Variants in ARSB observed in about 807,000 individuals in gnomAD.
The protein encoded by ARSB is arylsulfatase B, also known as N-acetylgalactosamine-4-sulfatase.
In ARSB, 41 loss-of-function variants were observed where a neutral mutation model predicts 50.9. The ratio of observed to expected loss-of-function variants is 0.81; its 90% CI spans 0.63 to 1.04. The LOEUF (loss-of-function observed/expected upper bound fraction) is 1.04. Among genes scored for constraint, ARSB ranks in the 50% least tolerant of loss-of-function variants. The probability of loss-of-function intolerance (pLI) is 0.00; values close to 1 mark genes in which losing one functional copy is unlikely to be tolerated. For missense variants in ARSB, 672 were observed against 693.3 expected (o/e 0.97, Z 0.35); for synonymous variants, 269 against 284.8 (o/e 0.94, Z 0.56).
chr5:78,822,422 T>C (rs1744266869), intron 6 of ARSB, among the ~76,000 whole-genome samples: 1 of 152,182 alleles, frequency 6.6e-6, no homozygotes, highest in African/African-American at 2.4e-5. Flanking sequence ...TTTGACACTC[T>C]TGGTGGTTGG....
chr5:78,847,434 A>G (rs569875568), intron 5 of ARSB, among the ~76,000 whole-genome samples: 75 of 152,226 alleles, frequency 4.9e-4, no homozygotes, highest in African/African-American at 1.7e-3. Context: ...GCTGTGAACG[A>G]TCTTTTTAAT....
intron 3 of ARSB, among the ~76,000 whole-genome samples, chr5:78,956,505 T>G (rs77830443): frequency 0.07 from 10,674 of 152,188 alleles, 497 homozygotes; most frequent in Non-Finnish European, 0.11. Flanking sequence ...ATGAGTGAAT[T>G]TTATGATATG....
chr5:78,970,560 C>A (rs940258618), intron 1 of ARSB, among the ~76,000 whole-genome samples: 1 of 152,110 alleles, frequency 6.6e-6, no homozygotes, highest in Non-Finnish European at 1.5e-5. Context: ...AGTTTGAGAA[C>A]TGATACTCTA....
chr5:78,858,821 C>T (rs12186766), intron 5 of ARSB, among the ~76,000 whole-genome samples: 19,301 of 152,156 alleles, frequency 0.13, 1,412 homozygotes, highest in Middle Eastern at 0.21. Context: ...TACCAGCTAC[C>T]GAGTTCTTAC....
At chr5:78,921,394 A>G (rs890941914) in intron 4 of ARSB, among the ~76,000 whole-genome samples, 1 of 115,128 alleles carries the variant, frequency 8.7e-6, no homozygotes, top group African/African-American at 2.8e-5. Context: ...ATACACACAC[A>G]TATATGTGTA....
intron 4 of ARSB, among the ~76,000 whole-genome samples, chr5:78,920,187 A>T (rs1342249998): frequency 6.6e-6 from 1 of 152,186 alleles, no homozygotes; most frequent in East Asian, 1.9e-4. Context: ...AGGGAGGCAG[A>T]CTTACTTTTC....
chr5:78,805,113 A>G (rs2112650841), intron 6 of ARSB, among the ~76,000 whole-genome samples: 1 of 152,344 alleles, frequency 6.6e-6, no homozygotes, highest in East Asian at 1.9e-4. Flanking sequence ...AGAGACCCCG[A>G]CCAACCAACG....
intron 6 of ARSB, among the ~76,000 whole-genome samples, chr5:78,829,894 C>T (rs1277323660): frequency 6.6e-6 from 1 of 152,138 alleles, no homozygotes; most frequent in African/African-American, 2.4e-5. Flanking sequence ...TTTATCTTTA[C>T]AGATGGTAAG....
intron 5 of ARSB, among the ~76,000 whole-genome samples, chr5:78,872,565 A>G (rs11746011): frequency 0.11 from 15,672 of 137,248 alleles, 993 homozygotes; most frequent in Middle Eastern, 0.21. Flanking sequence ...CTATCGCAAG[A>G]ACAAAAAACC....
Position 78,839,341 on chromosome 5 carries a change from T to C in ARSB, c.1213+15A>G, listed in dbSNP as rs748936259. 3 of 1,610,848 alleles carry C rather than the reference T, an allele frequency of 1.9e-6. No homozygotes were observed. Among genetic ancestry groups the C allele is most frequent in the South Asian group, 1.1e-5 (1 of 91,002 alleles). ...CCAATTAGATTTAATCTAGTAGCAA[T>C]GCACTGGTACTCACACGGTGAAGAG... On this transcript the variant is annotated intron_variant, in intron 6 of 7. Coordinates refer to ENST00000264914, the MANE Select transcript of ARSB (RefSeq NM_000046.5).
chr5:78,800,496 AG>A (rs1185214441), intron 6 of ARSB, among the ~76,000 whole-genome samples: 1 of 152,154 alleles, frequency 6.6e-6, no homozygotes, highest in Non-Finnish European at 1.5e-5. Context: ...TGCATTTTAC[AG>A]GGGGTTATAC....
chr5:78,942,695 TC>T (rs956522523), intron 4 of ARSB, among the ~76,000 whole-genome samples: 2 of 152,212 alleles, frequency 1.3e-5, no homozygotes, highest in Non-Finnish European at 2.9e-5. Flanking sequence ...GTGCTTTACT[TC>T]CAACTATGTG....
chr5:78,918,322 T>C lies in ARSB; in HGVS notation c.899-32495A>G, dbSNP rs563946139. ...ATTTTCTACGTGGAATTAAACTTTA[T>C]AGAAACTTTTCAGGGATGTTTTAAT... On this transcript the variant is annotated intron_variant, in intron 4 of 7. Transcript: ENST00000264914. 4.6e-5 allele frequency among the ~76,000 whole-genome samples: 7 copies of C among 152,334 alleles called. No homozygotes were observed. In the South Asian group the frequency reaches 1.5e-3, roughly 32 times the overall value.
chr5:78,809,441 T>G (rs2037206654), intron 6 of ARSB, among the ~76,000 whole-genome samples: 1 of 152,250 alleles, frequency 6.6e-6, no homozygotes, highest in Admixed American at 6.5e-5. Flanking sequence ...ACAGTGCCTC[T>G]CTTCTCTGTC....
At chr5:78,975,256 C>T (rs1428904053) in intron 1 of ARSB, among the ~76,000 whole-genome samples, 2 of 152,260 alleles carry the variant, frequency 1.3e-5, no homozygotes, top group East Asian at 1.9e-4. Context: ...GGAGGGCATG[C>T]TCAGGCAGAG....
At chr5:78,862,346 G>A (rs905391680) in intron 5 of ARSB, among the ~76,000 whole-genome samples, 7 of 152,186 alleles carry the variant, frequency 4.6e-5, no homozygotes, top group East Asian at 1.9e-4. Flanking sequence ...GAGGCATCAC[G>A]CTACCTGACT....
chr5:78,931,135 CAT>C (rs1172232953), intron 4 of ARSB, among the ~76,000 whole-genome samples: 1 of 152,238 alleles, frequency 6.6e-6, no homozygotes, highest in Non-Finnish European at 1.5e-5. Context: ...ATATTGCACA[CAT>C]ATGTGCAGCA....
At position 78,964,402 on chromosome 5, in the gene ARSB, G is replaced by C; in HGVS notation, c.690+14C>G. 1 of 1,612,126 alleles carries C rather than the reference G, an allele frequency of 6.2e-7. No individual in the cohort carries two copies. Among genetic ancestry groups the C allele is most frequent in the South Asian group, 1.1e-5 (1 of 90,930 alleles). ...AACAAGATTTTGCTATCAGTAAATA[G>C]AAGCAAAACTTACCTTCTCTGGTGG... is the stretch of plus-strand genomic sequence containing the variant. On this transcript the variant is annotated intron_variant, in intron 3 of 7. Transcript: ENST00000264914.
intron 5 of ARSB, among the ~76,000 whole-genome samples, chr5:78,864,492 A>G (rs369281346): frequency 1.1e-4 from 16 of 152,278 alleles, no homozygotes; most frequent in East Asian, 5.8e-4. Context: ...CCCATGACAC[A>G]TGAGAATTAT....
Sources: allele counts gnomAD v4.1 joint callset (sites outside exome capture counted in the v4.1 genomes callset), GRCh38; gene constraint gnomAD v4.1.1; transcripts MANE v1.5; gene names NCBI Gene and HGNC (gene_info 2026-07-23, HGNC 2026-07-21).